The following EFR3B variants were observed in gnomAD, a reference collection of about 807,000 sequenced individuals.
EFR3B encodes the protein protein EFR3 homolog B.
In EFR3B, 64 loss-of-function variants were observed where a neutral mutation model predicts 104.7. That is an observed-to-expected ratio of 0.61 (90% CI 0.50 to 0.75). The LOEUF is 0.75. EFR3B is among the 30% of genes least tolerant of loss of function. The probability of loss-of-function intolerance (pLI) is 0.00; values close to 1 mark genes in which losing one functional copy is unlikely to be tolerated. For missense variants in EFR3B, 750 were observed against 1,078.5 expected (o/e 0.70, Z 4.27); for synonymous variants, 385 against 417.9 (o/e 0.92, Z 0.96).
intron 21 of EFR3B, among the ~76,000 whole-genome samples, chr2:25,152,965 ACT>A (rs988864380): frequency 6.6e-6 from 1 of 151,954 alleles, no homozygotes; most frequent in African/African-American, 2.4e-5. Context: ...GTGCAGTCCC[ACT>A]CTCTGCATTC....
rs1181685631 is a variant in EFR3B at position 25,084,060 on chromosome 2, G to A, written c.8-7265G>A. 3.3e-5 allele frequency among the ~76,000 whole-genome samples: 5 copies of A among 150,816 alleles called. No individual in the cohort carries two copies. In the East Asian group the frequency reaches 9.7e-4, roughly 29 times the overall value. ...GTAGATTTTTGGGGTTCAGATTCTA[G>A]TCTGCCATTTGGGGTTCAGATTCTA... On this transcript the variant is annotated intron_variant, in intron 1 of 22. Coordinates refer to ENST00000403714, the MANE Select transcript of EFR3B (RefSeq NM_014971.2).
Position 25,155,878 on chromosome 2 carries a change from T to TG in EFR3B, c.*1543dup, listed in dbSNP as rs763912113. 1.3e-5 allele frequency: 2 copies of TG among 152,022 alleles called. No individual in the cohort carries two copies. The highest frequency in any genetic ancestry group is 4.8e-5 in the African/African-American group (2 of 41,448). 9.4% of individuals were successfully genotyped at this position (152,022 alleles called of 1,614,324 possible). On this transcript the variant is annotated 3_prime_UTR_variant, in exon 23 of 23. Coordinates refer to ENST00000403714, the MANE Select transcript of EFR3B (RefSeq NM_014971.2). Reference sequence around the variant, plus strand: ...TTTAATTTTTTTTTTTTTCTAGAGATGGGGGTCTCACTATGTTGCCCAGGC... The same window carrying TG: ...TTTAATTTTTTTTTTTTTCTAGAGATGGGGGGTCTCACTATGTTGCCCAGGC...
At chr2:25,043,994 G>T (rs1345905068) in intron 1 of EFR3B, among the ~76,000 whole-genome samples, 2 of 152,210 alleles carry the variant, frequency 1.3e-5, no homozygotes, top group South Asian at 4.1e-4. Context: ...GGGGGTCCCA[G>T]GCTGCCTCTG....
intron 1 of EFR3B, chr2:25,080,623 A>G: frequency 1.7e-6 from 1 of 576,590 alleles, no homozygotes; most frequent in Non-Finnish European, 3.1e-6. Context: ...TATTGAGGCC[A>G]TGGCCAAACC....
At chr2:25,044,589 C>T (rs921256573) in intron 1 of EFR3B, among the ~76,000 whole-genome samples, 4 of 152,072 alleles carry the variant, frequency 2.6e-5, no homozygotes, top group African/African-American at 7.2e-5. Context: ...CTCCCCCTCC[C>T]ACCTCCTGAC....
chr2:25,123,926 G>A (rs1241295031), intron 5 of EFR3B, among the ~76,000 whole-genome samples: 1 of 152,238 alleles, frequency 6.6e-6, no homozygotes, highest in Non-Finnish European at 1.5e-5. Context: ...TGCTGAGGTT[G>A]GCTCCCAGCC....
chr2:25,064,446 T>C (rs764206807), intron 1 of EFR3B, among the ~76,000 whole-genome samples: 3 of 152,238 alleles, frequency 2.0e-5, no homozygotes, highest in Non-Finnish European at 4.4e-5. Flanking sequence ...CCCTGCTTTT[T>C]ATAGGCTGCC....
intron 3 of EFR3B, among the ~76,000 whole-genome samples, chr2:25,094,769 A>T (rs1391216054): frequency 1.3e-5 from 2 of 151,796 alleles, no homozygotes; most frequent in Non-Finnish European, 2.9e-5. Flanking sequence ...AAAGAATCAA[A>T]TTTTTTATTA....
rs766184404 is a variant in EFR3B at position 25,157,583 on chromosome 2, T to G, written c.*3243T>G. 1.3e-5 allele frequency: 2 copies of G among 152,266 alleles called. No homozygotes were observed. The highest frequency in any genetic ancestry group is 2.1e-4 in the South Asian group (1 of 4,832). The allele number at this position is 152,266 out of a possible 1,614,324, so 9.4% of individuals were successfully genotyped here. A position where few individuals can be genotyped will look rare whatever the true frequency, so the allele number is the denominator to read the frequency against. On this transcript the variant is annotated 3_prime_UTR_variant, in exon 23 of 23. Transcript: ENST00000403714. ...CCGGCTGCTCCCAAAGCCCGAGGACTCTAGCTGTGTGGGGAAGGGCTAGCA... is the reference window on the plus strand; with the variant it reads ...CCGGCTGCTCCCAAAGCCCGAGGACGCTAGCTGTGTGGGGAAGGGCTAGCA...
At chr2:25,120,433 C>A (rs2149199971) in intron 4 of EFR3B, among the ~76,000 whole-genome samples, 1 of 152,134 alleles carries the variant, frequency 6.6e-6, no homozygotes, top group Non-Finnish European at 1.5e-5. Context: ...ATCACAAGGT[C>A]AAGAGATCGA....
rs540737969 is a variant in EFR3B at position 25,156,085 on chromosome 2, G to C, written c.*1745G>C. On this transcript the variant is annotated 3_prime_UTR_variant, in exon 23 of 23. Transcript: ENST00000403714. ...TCATAGCCCCACGTGTGGTGTGCAC[G>C]GATGTGCAGGGAGAGCCTGATTGTT... The C allele has an allele frequency of 5.3e-5, 8 of 152,082 alleles. No homozygotes were observed. Among genetic ancestry groups the C allele is most frequent in the African/African-American group, 1.7e-4 (7 of 41,382 alleles). 9.4% of individuals were successfully genotyped at this position (152,082 alleles called of 1,614,324 possible).
intron 1 of EFR3B, among the ~76,000 whole-genome samples, chr2:25,077,227 A>C (rs1668653075): frequency 6.6e-6 from 1 of 151,656 alleles, no homozygotes; most frequent in South Asian, 2.1e-4. Flanking sequence ...ACAGAGAATG[A>C]TTAAATAAAT....
chr2:25,123,798 GCA>G (rs1411639427), intron 5 of EFR3B, among the ~76,000 whole-genome samples: 1 of 152,256 alleles, frequency 6.6e-6, no homozygotes, highest in South Asian at 2.1e-4. Context: ...GCACACACGT[GCA>G]CACACGCACA....
At chr2:25,067,994 T>C (rs544493860) in intron 1 of EFR3B, among the ~76,000 whole-genome samples, 1 of 152,224 alleles carries the variant, frequency 6.6e-6, no homozygotes, top group South Asian at 2.1e-4. Flanking sequence ...CAGTCCCCTA[T>C]GGATGAGCAT....
chr2:25,064,134 T>C (rs1273284621), intron 1 of EFR3B, among the ~76,000 whole-genome samples: 2 of 152,224 alleles, frequency 1.3e-5, no homozygotes, highest in South Asian at 2.1e-4. Context: ...CTGAAATTTC[T>C]CTTTGGCACC....
chr2:25,043,592 TC>T (rs1186860815), intron 1 of EFR3B, among the ~76,000 whole-genome samples: 3 of 152,036 alleles, frequency 2.0e-5, no homozygotes, highest in Non-Finnish European at 2.9e-5. Flanking sequence ...CATCAGCAGG[TC>T]CCCTCAGCAA....
chr2:25,125,862 G>A, intron 5 of EFR3B, among the ~76,000 whole-genome samples: 1 of 152,182 alleles, frequency 6.6e-6, no homozygotes, highest in East Asian at 1.9e-4. Flanking sequence ...GCAGGAGAAT[G>A]GCGTGAACCC....
chr2:25,047,719 G>A (rs1667761006), intron 1 of EFR3B, among the ~76,000 whole-genome samples: 1 of 151,936 alleles, frequency 6.6e-6, no homozygotes, highest in Non-Finnish European at 1.5e-5. Context: ...GGCTAGTCTC[G>A]AACTCCTGAC....
chr2:25,117,352 G>A (rs967565277), intron 4 of EFR3B, among the ~76,000 whole-genome samples: 2 of 152,056 alleles, frequency 1.3e-5, no homozygotes, highest in Non-Finnish European at 2.9e-5. Context: ...CTGCTGTCTG[G>A]AAGTGTTTGA....
Sources: allele counts gnomAD v4.1 joint callset (sites outside exome capture counted in the v4.1 genomes callset), GRCh38; gene constraint gnomAD v4.1.1; transcripts MANE v1.5; gene names NCBI Gene and HGNC (gene_info 2026-07-23, HGNC 2026-07-21).